The following MOK variants were observed in gnomAD, a reference collection of about 807,000 sequenced individuals.
MOK encodes MAPK/MAK/MRK overlapping kinase.
A neutral mutation model predicts 54.2 loss-of-function variants in MOK; 59 were observed. That is an observed-to-expected ratio of 1.09 (90% CI 0.88 to 1.35). MOK has a LOEUF of 1.35. Ranked by LOEUF, MOK falls within the 40% of genes most tolerant of loss-of-function variation. MOK has a pLI of 0.00. For synonymous variants in MOK, 210 were observed against 202.7 expected (o/e 1.04, Z -0.31); for missense variants, 517 against 526.2 (o/e 0.98, Z 0.17).
intron 1 of MOK, among the ~76,000 whole-genome samples, chr14:102,284,941 G>A (rs913528505): frequency 1.3e-5 from 2 of 152,128 alleles, no homozygotes; most frequent in Non-Finnish European, 2.9e-5. Context: ...AAATTAGCCA[G>A]GCGTGGTGGC....
intron 4 of MOK, among the ~76,000 whole-genome samples, chr14:102,263,337 G>A (rs2067627713): frequency 6.6e-6 from 1 of 152,244 alleles, no homozygotes; most frequent in Admixed American, 6.5e-5. Flanking sequence ...GCACCCAGAG[G>A]GCCTGGGGCT....
At chr14:102,274,736 A>G (rs1252297077) in intron 2 of MOK, among the ~76,000 whole-genome samples, 1 of 151,778 alleles carries the variant, frequency 6.6e-6, no homozygotes, top group African/African-American at 2.4e-5. Context: ...GCACTTTGGG[A>G]GGACGAGGCA....
downstream of MOK, chr14:102,224,597 T>G: frequency 2.2e-6 from 1 of 456,100 alleles, no homozygotes; most frequent in Non-Finnish European, 4.4e-6. Context: ...GTCTTTACTT[T>G]CAGGCTTTTG....
intron 2 of MOK, among the ~76,000 whole-genome samples, chr14:102,276,028 T>C (rs2068831394): frequency 6.6e-6 from 1 of 152,182 alleles, no homozygotes; most frequent in African/African-American, 2.4e-5. Context: ...AATAAGTACA[T>C]GATCAAGTGT....
At chr14:102,233,835 A>G in intron 7 of MOK, 46 bp from the exon 8 acceptor site, 1 of 1,412,486 alleles carries the variant, frequency 7.1e-7, no homozygotes, top group South Asian at 1.2e-5. Context: ...GGGCAGAGCC[A>G]ACAGACCTCA....
chr14:102,304,762 A>G (rs2072596712), intron 1 of MOK, among the ~76,000 whole-genome samples, 200 bp downstream of exon 1: 2 of 151,820 alleles, frequency 1.3e-5, no homozygotes, highest in Admixed American at 6.6e-5. Flanking sequence ...CAACCCCTCA[A>G]GCTTCCCCCA....
intron 2 of MOK, among the ~76,000 whole-genome samples, chr14:102,277,070 T>A (rs1293830936): frequency 3.4e-5 from 5 of 147,608 alleles, no homozygotes; most frequent in African/African-American, 1.2e-4. Flanking sequence ...TCTTTCTTCA[T>A]ACGACATACA....
intron 7 of MOK, among the ~76,000 whole-genome samples, chr14:102,244,916 TTTA>T (rs1262274466): frequency 6.6e-6 from 1 of 152,092 alleles, no homozygotes; most frequent in Non-Finnish European, 1.5e-5. Context: ...CTAATGGTCT[TTTA>T]AAAACACACC....
At chr14:102,234,530 C>T (rs1300244049) in intron 7 of MOK, among the ~76,000 whole-genome samples, 1 of 152,104 alleles carries the variant, frequency 6.6e-6, no homozygotes, top group Non-Finnish European at 1.5e-5. Context: ...CGGTGGTTAC[C>T]TCCTCTATTC....
intron 4 of MOK, among the ~76,000 whole-genome samples, chr14:102,254,178 C>T (rs148298465): frequency 0.04 from 6,155 of 152,118 alleles, 147 homozygotes; most frequent in Middle Eastern, 0.065. Flanking sequence ...TCAGTAGAGA[C>T]GGGGTTTCAC....
rs2064566580 is a variant in MOK, at chr14:102,230,364, T to TG, written c.982-708dup. Reference sequence around the variant, plus strand: ...CCACCTGGTTTTTATTTTTAATGACTGAAAAAAAAATGTTTCATGGCATGT... The same window carrying TG: ...CCACCTGGTTTTTATTTTTAATGACTGGAAAAAAAAATGTTTCATGGCATGT... On this transcript the variant is annotated intron_variant, in intron 10 of 11. Coordinates refer to ENST00000361847, the MANE Select transcript of MOK (RefSeq NM_014226.3). This position sits in a 1 kb window ranked among gnomAD's most constrained non-coding sequence, Gnocchi z 4.1. 1 of 151,942 alleles carries TG rather than the reference T, an allele frequency of 6.6e-6. No homozygotes were observed. Among genetic ancestry groups the TG allele is most frequent in the Non-Finnish European group, 1.5e-5 (1 of 67,944 alleles). The allele number at this position is 151,942 out of a possible 1,614,324, so 9.4% of individuals were successfully genotyped here. A position where few individuals can be genotyped will look rare whatever the true frequency, so the allele number is the denominator to read the frequency against.
chr14:102,300,785 T>C (rs1186395586), intron 1 of MOK, among the ~76,000 whole-genome samples: 1 of 152,172 alleles, frequency 6.6e-6, no homozygotes, highest in Non-Finnish European at 1.5e-5. Flanking sequence ...ATGTGATTGG[T>C]ATTATCATCC....
chr14:102,214,988 G>C, the MOK span: 1 of 984,528 alleles, frequency 1.0e-6, no homozygotes. Context: ...AAATAAACGT[G>C]TGTGAGTGAA....
At chr14:102,225,492 G>A (rs2064206085), downstream of MOK, 1 of 152,234 alleles carries the variant, frequency 6.6e-6, no homozygotes, top group East Asian at 1.9e-4. Context: ...TTGGTCAGAT[G>A]ATCCAGCCGT....
intron 2 of MOK, among the ~76,000 whole-genome samples, chr14:102,273,672 G>A (rs1008454811): frequency 2.0e-5 from 3 of 152,004 alleles, no homozygotes; most frequent in Admixed American, 1.3e-4. Context: ...CCAGCTACTT[G>A]GCAGGCTGAG....
intron 4 of MOK, among the ~76,000 whole-genome samples, chr14:102,257,026 C>T (rs2067018809): frequency 6.6e-6 from 1 of 151,788 alleles, no homozygotes; most frequent in Admixed American, 6.6e-5. Context: ...ATCCCTTCCC[C>T]AGGCTCCCAC....
intron 4 of MOK, among the ~76,000 whole-genome samples, chr14:102,259,855 C>G (rs1161925261): frequency 6.6e-6 from 1 of 152,030 alleles, no homozygotes; most frequent in African/African-American, 2.4e-5. Context: ...ACCATCCTGG[C>G]CAACATGGTG....
intron 2 of MOK, among the ~76,000 whole-genome samples, chr14:102,266,496 C>T (rs1177248047): frequency 1.3e-5 from 2 of 152,038 alleles, no homozygotes; most frequent in African/African-American, 2.4e-5. Flanking sequence ...ATGATCGGCC[C>T]GCCTCAGCCA....
chr14:102,292,131 G>A (rs933130328), intron 1 of MOK, among the ~76,000 whole-genome samples: 2 of 152,056 alleles, frequency 1.3e-5, no homozygotes, highest in African/African-American at 4.8e-5. Flanking sequence ...ATAAAAGAGG[G>A]AGGGAGGAAA....
Sources: allele counts gnomAD v4.1 joint callset (sites outside exome capture counted in the v4.1 genomes callset), GRCh38; gene constraint gnomAD v4.1.1; non-coding constraint Gnocchi (gnomAD v3.1); transcripts MANE v1.5; gene names NCBI Gene and HGNC (gene_info 2026-07-23, HGNC 2026-07-21).